MAPK13: variants seen among roughly 807,000 people sequenced by gnomAD.
MAPK13 encodes mitogen-activated protein kinase 13.
In MAPK13, 39 loss-of-function variants were observed where a neutral mutation model predicts 53.5. The observed-to-expected ratio is 0.73, with a 90% CI of 0.56 to 0.95. The LOEUF is 0.95. Ranked by LOEUF, MAPK13 falls within the 40% of genes least tolerant of loss-of-function variation. MAPK13 has a pLI of 0.00. For missense variants in MAPK13, 460 were observed against 471.8 expected, an observed-to-expected ratio of 0.98 and a Z score of 0.23; for synonymous variants, 179 against 190.9, an observed-to-expected ratio of 0.94 and a Z score of 0.51.
At chr6:36,137,387 C>T (rs925793093) in intron 8 of MAPK13, among the ~76,000 whole-genome samples, 3 of 152,062 alleles carry the variant, frequency 2.0e-5, no homozygotes, top group East Asian at 1.9e-4. Flanking sequence ...TGGTGGCAGG[C>T]GCCTGTAGTC....
chr6:36,135,895 G>T, intron 4 of MAPK13, 34 bp downstream of exon 4: 6 of 1,597,444 alleles, frequency 3.8e-6, no homozygotes, highest in Non-Finnish European at 5.1e-6. Flanking sequence ...CAGAGGGGAC[G>T]CCTTGCTGTC....
intron 8 of MAPK13, among the ~76,000 whole-genome samples, chr6:36,137,308 G>A (rs1385465755): frequency 2.0e-5 from 3 of 152,134 alleles, no homozygotes; most frequent in African/African-American, 7.2e-5. Context: ...GAGGTCAGGA[G>A]ATCGAGACCA....
At position 36,140,507 on chromosome 6, in the gene MAPK13, C is replaced by A. The variant is rs1310480262; in HGVS notation, c.*1134C>A. ...GTGCACCAGGGGACTTGTTAAAATG[C>A]AGATTCCTGGGCCCCACCCCAGGGC... On this transcript the variant is annotated 3_prime_UTR_variant, in exon 12 of 12. Transcript: ENST00000211287. 6.5e-6 allele frequency: 1 copy of A among 152,696 alleles called. No individual in the cohort carries two copies. Among genetic ancestry groups the A allele is most frequent in the African/African-American group, 2.4e-5 (1 of 41,452 alleles). 9.5% of individuals were successfully genotyped at this position (152,696 alleles called of 1,614,324 possible). A position where few individuals can be genotyped will look rare whatever the true frequency, so the allele number is the denominator to read the frequency against.
rs1581889856 is a variant in MAPK13 at position 36,141,801 on chromosome 6, T to C, written c.*2428T>C. On this transcript the variant is annotated 3_prime_UTR_variant, in exon 12 of 12. Transcript: ENST00000211287. ...ACTGTACCCAGCTTGGATTCAAGGG[T>C]TGCCCAGCCTTCCCTCTTCACGCCA... 6.6e-6 allele frequency: 1 copy of C among 152,232 alleles called. No homozygotes were observed. The highest frequency in any genetic ancestry group is 1.9e-4 in the East Asian group (1 of 5,162). The allele number at this position is 152,232 out of a possible 1,614,324, so 9.4% of individuals were successfully genotyped here.
In MAPK13 at chr6:36,138,884, G is replaced by A. The variant is rs1325318451; in HGVS notation, c.847G>A (p.Asp283Asn). 2.5e-6 allele frequency: 4 copies of A among 1,610,414 alleles called. No homozygotes were observed. Among genetic ancestry groups the A allele is most frequent in the Non-Finnish European group, 3.4e-6 (4 of 1,178,340 alleles). ...LFPRASPQAA[D>N]LLEKMLELDV... Reference sequence around the variant, plus strand: ...TCTTGGCTCTGCCCCTGCAGCTGCGGACCTGCTGGAGAAGATGCTGGAGCT... The same window carrying A: ...TCTTGGCTCTGCCCCTGCAGCTGCGAACCTGCTGGAGAAGATGCTGGAGCT... Residue 283 changes from aspartate (D) to asparagine (N), a missense_variant, in exon 11 of 12, where the codon GAC (aspartate) becomes AAC (asparagine). Asp to Asn is a conservative substitution (Grantham distance 23). Coordinates refer to ENST00000211287, the MANE Select transcript of MAPK13 (RefSeq NM_002754.5).
rs1766538326 is a variant in MAPK13 at position 36,141,830 on chromosome 6, T to A, written c.*2457T>A. ...CCAGCCTTCCCTCTTCACGCCAGTC[T>A]GAGACCCTTACTGCTGACTGTGTCC... On this transcript the variant is annotated 3_prime_UTR_variant, in exon 12 of 12. Transcript: ENST00000211287. 1 of 152,312 alleles carries A rather than the reference T, an allele frequency of 6.6e-6. No homozygotes were observed. The highest frequency in any genetic ancestry group is 1.5e-5 in the Non-Finnish European group (1 of 68,134). The allele number at this position is 152,312 out of a possible 1,614,324, so 9.4% of individuals were successfully genotyped here.
At chr6:36,131,174 CCT>C in intron 1 of MAPK13, 95 bp from the exon 2 acceptor site, 2 of 1,433,470 alleles carry the variant, frequency 1.4e-6, no homozygotes, top group South Asian at 1.3e-5. Context: ...GGCCTAGTCC[CCT>C]CTCAGCCCAG....
intron 5 of MAPK13, among the ~76,000 whole-genome samples, 167 bp from the exon 6 acceptor site, chr6:36,136,317 G>A (rs1766416037): frequency 6.6e-6 from 1 of 152,192 alleles, no homozygotes; most frequent in African/African-American, 2.4e-5. Flanking sequence ...TTTAGAGCTG[G>A]GTGGGCCCTG....
At chr6:36,134,100 G>C (rs1766369391) in intron 3 of MAPK13, among the ~76,000 whole-genome samples, 1 of 152,124 alleles carries the variant, frequency 6.6e-6, no homozygotes, top group South Asian at 2.1e-4. Flanking sequence ...AGGGAGAAGG[G>C]GTGGTCAGTT....
chr6:36,133,930 A>T (rs1766365939), intron 3 of MAPK13, among the ~76,000 whole-genome samples: 1 of 152,160 alleles, frequency 6.6e-6, no homozygotes, highest in African/African-American at 2.4e-5. Context: ...ATCAGAAGAA[A>T]AGGGAGTCAT....
rs1301099032 is a variant in MAPK13, at chr6:36,136,970, C to T, written c.682+20C>T. On this transcript the variant is annotated intron_variant, in intron 8 of 11. Coordinates refer to ENST00000211287, the MANE Select transcript of MAPK13 (RefSeq NM_002754.5). ...AAGATTGTATCCTTTGCTGGAAAAG[C>T]CAAACTCCATCTAGGGATTCCTTCC... is the stretch of plus-strand genomic sequence containing the variant. 16 of 1,607,290 alleles carry T rather than the reference C, an allele frequency of 1.0e-5. No homozygotes were observed. Among genetic ancestry groups the T allele is most frequent in the Non-Finnish European group, 1.3e-5 (15 of 1,175,744 alleles).
intron 8 of MAPK13, among the ~76,000 whole-genome samples, chr6:36,137,384 A>T (rs1766438373): frequency 1.3e-5 from 2 of 152,130 alleles, no homozygotes; most frequent in South Asian, 2.1e-4. Flanking sequence ...GCGTGGTGGC[A>T]GGCGCCTGTA....
In MAPK13 at chr6:36,141,562, C is replaced by G. The variant is rs1766532598; in HGVS notation, c.*2189C>G. On this transcript the variant is annotated 3_prime_UTR_variant, in exon 12 of 12. Coordinates refer to ENST00000211287, the MANE Select transcript of MAPK13 (RefSeq NM_002754.5). ...GGTGGTGCATGCCTGTAATCCCAAACTACTCGGGAGGCTGAGGCAGAATTG... is the reference window on the plus strand; with the variant it reads ...GGTGGTGCATGCCTGTAATCCCAAAGTACTCGGGAGGCTGAGGCAGAATTG... 2 of 152,394 alleles carry G rather than the reference C, an allele frequency of 1.3e-5. No homozygotes were observed. Among genetic ancestry groups the G allele is most frequent in the Admixed American group, 6.5e-5 (1 of 15,296 alleles). 9.4% of individuals were successfully genotyped at this position (152,394 alleles called of 1,614,324 possible).
chr6:36,132,535 A>C, intron 2 of MAPK13, 86 bp from the exon 3 acceptor site: 2 of 1,190,870 alleles, frequency 1.7e-6, no homozygotes, highest in African/African-American at 3.0e-5. Context: ...GAAAGGGTGG[A>C]TGGCCCTGTG....
intron 2 of MAPK13, 47 bp downstream of exon 2, chr6:36,131,447 G>T (rs1248771743): frequency 1.3e-6 from 2 of 1,571,060 alleles, no homozygotes; most frequent in Non-Finnish European, 1.7e-6. Flanking sequence ...GCCCTGGGGA[G>T]TCAGGGGCAG....
In MAPK13 at chr6:36,136,761, A is replaced by C. The variant is rs773721437; in HGVS notation, c.601A>C (p.Asn201His). The C allele has an allele frequency of 2.5e-5, 40 of 1,613,930 alleles. No individual in the cohort carries two copies. Among genetic ancestry groups the C allele is most frequent in the Non-Finnish European group, 3.2e-5 (38 of 1,179,946 alleles). ...GGTGATCCTCAGCTGGATGCACTAC[A>C]ACCAGACAGGTCAGTGGTCAATGCC... Reference protein sequence around the residue: ...PEVILSWMHYNQTVDIWSVGC... With the variant: ...PEVILSWMHYHQTVDIWSVGC... The change falls in exon 7 of 12, where the codon AAC becomes CAC. Residue 201 changes from asparagine to histidine, a missense_variant. By Grantham distance (68) the Asn-to-His change is moderately conservative (BLOSUM62 1). Transcript: ENST00000211287.
At position 36,140,290 on chromosome 6, in the gene MAPK13, A is replaced by C. The variant is rs1766509587; in HGVS notation, c.*917A>C. Reference sequence around the variant, plus strand: ...AACAACAGCAGGCTCGGAGACTGCGAGCTGCACAGGCAGAAATGGGCTCTT... The same window carrying C: ...AACAACAGCAGGCTCGGAGACTGCGCGCTGCACAGGCAGAAATGGGCTCTT... On this transcript the variant is annotated 3_prime_UTR_variant, in exon 12 of 12. Transcript: ENST00000211287. 6.5e-6 allele frequency: 1 copy of C among 152,688 alleles called. No homozygotes were observed. Among genetic ancestry groups the C allele is most frequent in the Non-Finnish European group, 1.5e-5 (1 of 68,066 alleles). 9.5% of individuals were successfully genotyped at this position (152,688 alleles called of 1,614,324 possible). A position where few individuals can be genotyped will look rare whatever the true frequency, so the allele number is the denominator to read the frequency against.
At chr6:36,133,134 A>G (rs1766351897) in intron 3 of MAPK13, among the ~76,000 whole-genome samples, 1 of 152,212 alleles carries the variant, frequency 6.6e-6, no homozygotes, top group Non-Finnish European at 1.5e-5. Context: ...TTTAGCTGCA[A>G]AATGTATAGC....
intron 5 of MAPK13, 84 bp downstream of exon 5, chr6:36,136,132 A>G: frequency 6.5e-7 from 1 of 1,537,210 alleles, no homozygotes; most frequent in Non-Finnish European, 9.0e-7. Context: ...GGAGTGGGAA[A>G]GTTGGAGGGA....
Sources: allele counts gnomAD v4.1 joint callset (sites outside exome capture counted in the v4.1 genomes callset), GRCh38; gene constraint gnomAD v4.1.1; transcripts MANE v1.5; gene names NCBI Gene and HGNC (gene_info 2026-07-23, HGNC 2026-07-21).